Variants in OOSP4B observed in about 807,000 individuals in gnomAD.
The protein encoded by OOSP4B is oocyte secreted protein family member 4B.
At chr11:60,022,942 A>G (rs1048238090) in intron 1 of OOSP4B, among the ~76,000 whole-genome samples, 8 of 152,158 alleles carry the variant, frequency 5.3e-5, no homozygotes, top group African/African-American at 1.9e-4. Flanking sequence ...CTGAGGATGG[A>G]TGGATGGAGA....
intron 1 of OOSP4B, chr11:60,022,087 C>A (rs1475977643): frequency 4.0e-5 from 6 of 151,580 alleles, no homozygotes; most frequent in African/African-American, 9.7e-5. Context: ...TGTGGGAATC[C>A]CCATGGGAAC....
At chr11:60,029,490 G>T (rs144621708) in intron 3 of OOSP4B, among the ~76,000 whole-genome samples, 1 of 152,242 alleles carries the variant, frequency 6.6e-6, no homozygotes, top group East Asian at 1.9e-4. Context: ...AGTCCATTCA[G>T]CATAGATAGA....
chr11:60,022,935 AGGAT>A (rs1854708856), intron 1 of OOSP4B, among the ~76,000 whole-genome samples: 1 of 152,200 alleles, frequency 6.6e-6, no homozygotes, highest in Non-Finnish European at 1.5e-5. Context: ...ATTGATACTG[AGGAT>A]GGATGGATGG....
At chr11:60,030,761 A>C (rs1343133386) in intron 4 of OOSP4B, 41 bp from the exon 5 acceptor site, 7 of 398,132 alleles carry the variant, frequency 1.8e-5, no homozygotes, top group African/African-American at 1.4e-4. Context: ...GTAAGGTTAT[A>C]TTTAAGCAGC....
chr11:60,024,033 CTGT>C (rs1281419850), exon 2 of OOSP4B: 5 of 398,422 alleles, frequency 1.3e-5, no homozygotes, highest in African/African-American at 2.1e-5. Context: ...TTTTCTTATC[CTGT>C]CACTTCTTGT....
intron 1 of OOSP4B, among the ~76,000 whole-genome samples, chr11:60,017,981 A>C (rs1300470631): frequency 1.3e-5 from 2 of 152,214 alleles, no homozygotes; most frequent in Non-Finnish European, 2.9e-5. Context: ...TAGCTGCATG[A>C]ACTTGGGCAA....
At chr11:60,025,651 T>C (rs1854740644) in intron 3 of OOSP4B, among the ~76,000 whole-genome samples, 1 of 152,234 alleles carries the variant, frequency 6.6e-6, no homozygotes, top group Admixed American at 6.5e-5. Flanking sequence ...TAGATACGTA[T>C]TATTTGATGA....
At chr11:60,024,663 C>T (rs1854727577) in intron 2 of OOSP4B, among the ~76,000 whole-genome samples, 1 of 152,192 alleles carries the variant, frequency 6.6e-6, no homozygotes, top group Non-Finnish European at 1.5e-5. Flanking sequence ...AGCACATATA[C>T]TTTAAAACAG....
At chr11:60,026,672 C>T (rs927211613) in intron 3 of OOSP4B, among the ~76,000 whole-genome samples, 1 of 152,220 alleles carries the variant, frequency 6.6e-6, no homozygotes, top group Non-Finnish European at 1.5e-5. Flanking sequence ...AACCTCTGTT[C>T]TTCAAACTTC....
intron 1 of OOSP4B, among the ~76,000 whole-genome samples, chr11:60,021,131 C>T (rs1854687179): frequency 6.6e-6 from 1 of 152,176 alleles, no homozygotes; most frequent in South Asian, 2.1e-4. Context: ...TTATTATATT[C>T]AGTGGTCATC....
At position 60,024,081 on chromosome 11, in the gene OOSP4B, T is replaced by G. The variant is rs1854721485; in HGVS notation, c.204+20T>G. On this transcript the variant is annotated intron_variant, in intron 2 of 4. Coordinates refer to ENST00000642343, the Ensembl canonical transcript of OOSP4B. ...AAAATTGTAAGTGCCATGATGCTTTTCCCTAAAACATATACTGAATTTTTT... is the reference window on the plus strand; with the variant it reads ...AAAATTGTAAGTGCCATGATGCTTTGCCCTAAAACATATACTGAATTTTTT... 5.0e-6 allele frequency: 2 copies of G among 398,442 alleles called. No homozygotes were observed. Among genetic ancestry groups the G allele is most frequent in the Non-Finnish European group, 8.8e-6 (2 of 226,052 alleles). 24.7% of individuals were successfully genotyped at this position (398,442 alleles called of 1,614,324 possible).
chr11:60,026,198 T>G (rs1294524500), intron 3 of OOSP4B, among the ~76,000 whole-genome samples: 1 of 152,226 alleles, frequency 6.6e-6, no homozygotes, highest in Non-Finnish European at 1.5e-5. Flanking sequence ...TTCTAGTTAT[T>G]GCTTTCTGTT....
At chr11:60,018,847 G>A (rs545949584) in intron 1 of OOSP4B, among the ~76,000 whole-genome samples, 1 of 152,296 alleles carries the variant, frequency 6.6e-6, no homozygotes, top group Admixed American at 6.5e-5. Context: ...AGTTAAGGAT[G>A]AAATTGAGAA....
intron 1 of OOSP4B, chr11:60,022,332 T>G (rs1690831433): frequency 6.6e-6 from 1 of 152,196 alleles, no homozygotes; most frequent in South Asian, 2.1e-4. Context: ...GATTGCAGAT[T>G]TTTTTTCATC....
At chr11:60,020,677 C>A (rs1450785438) in intron 1 of OOSP4B, among the ~76,000 whole-genome samples, 1 of 152,240 alleles carries the variant, frequency 6.6e-6, no homozygotes, top group Non-Finnish European at 1.5e-5. Flanking sequence ...AGTGCAGCGG[C>A]GGGCTAAAGG....
At chr11:60,023,752 A>G (rs1854717737) in intron 1 of OOSP4B, 128 bp from the exon 2 acceptor site, 1 of 393,182 alleles carries the variant, frequency 2.5e-6, no homozygotes, top group Non-Finnish European at 4.5e-6. Context: ...CTTATTTTTG[A>G]ACATGGCTAA....
chr11:60,024,072 T>C lies in OOSP4B; in HGVS notation c.204+11T>C, dbSNP rs2134625980. On this transcript the variant is annotated intron_variant, in intron 2 of 4. Coordinates refer to ENST00000642343, the Ensembl canonical transcript of OOSP4B. ...GGGATCAAGAAAATTGTAAGTGCCA[T>C]GATGCTTTTCCCTAAAACATATACT... 1 of 398,562 alleles carries C rather than the reference T, an allele frequency of 2.5e-6. No homozygotes were observed. Among genetic ancestry groups the C allele is most frequent in the South Asian group, 1.3e-4 (1 of 7,854 alleles). The allele number at this position is 398,562 out of a possible 1,614,324, so 24.7% of individuals were successfully genotyped here. A position where few individuals can be genotyped will look rare whatever the true frequency, so the allele number is the denominator to read the frequency against.
Position 60,019,885 on chromosome 11 carries a change from G to C in OOSP4B, c.22+2472G>C, listed in dbSNP as rs192170112. ...GGTCCATTTTACAGAGAGCTGACTGGTCCGTTTTGACAGGGTGCTGATTGG... is the reference window on the plus strand; with the variant it reads ...GGTCCATTTTACAGAGAGCTGACTGCTCCGTTTTGACAGGGTGCTGATTGG... On this transcript the variant is annotated intron_variant, in intron 1 of 4. Transcript: ENST00000642343. 3.4e-3 allele frequency among the ~76,000 whole-genome samples: 517 copies of C among 152,254 alleles called. 1 individual carries two copies. The highest frequency in any genetic ancestry group is 0.012 in the African/African-American group (482 of 41,532).
exon 2 of OOSP4B, chr11:60,023,888 G>A (rs1046687633): frequency 1.0e-5 from 4 of 398,332 alleles, no homozygotes; most frequent in African/African-American, 8.2e-5. Context: ...AGCAATAACT[G>A]CAATGTGCTC....
Sources: gnomAD v4.1 joint callset for allele counts (sites outside exome capture counted in the v4.1 genomes callset) on GRCh38, gnomAD v4.1.1 for gene constraint, MANE v1.5 for transcripts, NCBI Gene and HGNC (gene_info 2026-07-23, HGNC 2026-07-21) for gene names.